Variants in ABTB3 observed in about 807,000 individuals in gnomAD.
The protein encoded by ABTB3 is ankyrin repeat and BTB domain containing 3, also known as ankyrin repeat- and BTB/POZ domain-containing protein 3.
chr12:107,407,727 G>T, the ABTB3 span, among the ~76,000 whole-genome samples: 1 of 152,176 alleles, frequency 6.6e-6, no homozygotes, highest in African/African-American at 2.4e-5. Context: ...GGGCTGAAGA[G>T]TTGGGAACAT....
the ABTB3 span, among the ~76,000 whole-genome samples, chr12:107,622,268 C>T: frequency 8.7e-4 from 133 of 152,146 alleles, no homozygotes; most frequent in Non-Finnish European, 1.2e-3. Context: ...ATAATTTCCC[C>T]GAGCCTGCAG....
At chr12:107,502,604 C>A in the ABTB3 span, among the ~76,000 whole-genome samples, 1 of 152,078 alleles carries the variant, frequency 6.6e-6, no homozygotes, top group Non-Finnish European at 1.5e-5. Flanking sequence ...CAAACCCCAG[C>A]CCACAGACTG....
At chr12:107,376,544 T>C in the ABTB3 span, among the ~76,000 whole-genome samples, 1 of 152,150 alleles carries the variant, frequency 6.6e-6, no homozygotes, top group Non-Finnish European at 1.5e-5. Context: ...TGCAGCCATC[T>C]ATCCACCTTC....
At chr12:107,393,172 C>T in the ABTB3 span, among the ~76,000 whole-genome samples, 5 of 152,132 alleles carry the variant, frequency 3.3e-5, no homozygotes, top group Non-Finnish European at 7.3e-5. Context: ...CAGTCAGGGA[C>T]GAGAACTCTG....
At chr12:107,452,562 A>G in the ABTB3 span, among the ~76,000 whole-genome samples, 2 of 152,038 alleles carry the variant, frequency 1.3e-5, no homozygotes, top group Non-Finnish European at 2.9e-5. Context: ...AAAAATTTAG[A>G]AAATCAGGCC....
chr12:107,325,081 C>T, the ABTB3 span, among the ~76,000 whole-genome samples: 2 of 152,192 alleles, frequency 1.3e-5, no homozygotes, highest in South Asian at 4.1e-4. Flanking sequence ...TAATGGCTTC[C>T]TCAAAAAACA....
chr12:107,649,086 A>G, the ABTB3 span: 2 of 831,672 alleles, frequency 2.4e-6, no homozygotes, highest in Non-Finnish European at 3.9e-6. Context: ...GGAAATGGGC[A>G]ACCATTTGGA....
chr12:107,636,694 C>T, the ABTB3 span, among the ~76,000 whole-genome samples: 2 of 152,266 alleles, frequency 1.3e-5, no homozygotes, highest in Middle Eastern at 3.4e-3. Context: ...TGCCCAAGTC[C>T]CAAGTACTTC....
the ABTB3 span, among the ~76,000 whole-genome samples, chr12:107,637,832 G>A: frequency 1.4e-5 from 2 of 145,172 alleles, no homozygotes; most frequent in Non-Finnish European, 3.0e-5. Flanking sequence ...GTGTGTGTGT[G>A]TGGTATGGTG....
chr12:107,595,364 C>A, the ABTB3 span, among the ~76,000 whole-genome samples: 2,633 of 152,184 alleles, frequency 0.017, 40 homozygotes, highest in South Asian at 0.039. Flanking sequence ...CTGAGGAGCA[C>A]CCCATTTATA....
the ABTB3 span, among the ~76,000 whole-genome samples, chr12:107,623,691 AT>A: frequency 6.6e-6 from 1 of 152,032 alleles, no homozygotes; most frequent in Non-Finnish European, 1.5e-5. Context: ...CTAACACATC[AT>A]TCCCCTGGGC....
chr12:107,581,287 C>G, the ABTB3 span: 3 of 1,439,192 alleles, frequency 2.1e-6, no homozygotes, highest in East Asian at 2.9e-5. Context: ...GCGTGGACTG[C>G]GAGCCGCGCC....
chr12:107,383,695 G>A, the ABTB3 span, among the ~76,000 whole-genome samples: 1 of 152,070 alleles, frequency 6.6e-6, no homozygotes, highest in Non-Finnish European at 1.5e-5. Flanking sequence ...AATGATTGTC[G>A]ACTGTTTGGA....
chr12:107,489,803 G>C, the ABTB3 span, among the ~76,000 whole-genome samples: 540 of 152,074 alleles, frequency 3.6e-3, 5 homozygotes, highest in African/African-American at 0.012. Context: ...TGCTCTGTCA[G>C]TCAGGCTGAA....
the ABTB3 span, among the ~76,000 whole-genome samples, chr12:107,566,685 A>AC: frequency 3.2e-4 from 49 of 151,794 alleles, no homozygotes; most frequent in Middle Eastern, 3.4e-3. Flanking sequence ...ACACACACAC[A>AC]AACATCTTTA....
At chr12:107,595,486 T>C in the ABTB3 span, among the ~76,000 whole-genome samples, 1 of 152,164 alleles carries the variant, frequency 6.6e-6, no homozygotes, top group Non-Finnish European at 1.5e-5. Flanking sequence ...AGAGGAGCAA[T>C]GGCAAGAGAA....
chr12:107,484,803 G>C, the ABTB3 span, among the ~76,000 whole-genome samples: 1 of 152,174 alleles, frequency 6.6e-6, no homozygotes, highest in South Asian at 2.1e-4. Context: ...TTATTCTGGA[G>C]AAAGAGGCAA....
At chr12:107,470,010 T>TTCTCTCTC in the ABTB3 span, among the ~76,000 whole-genome samples, 8 of 57,162 alleles carry the variant, frequency 1.4e-4, no homozygotes, top group African/African-American at 4.0e-4. Flanking sequence ...CTTTCTTTCT[T>TTCTCTCTC]TCTCTCTCTC....
the ABTB3 span, among the ~76,000 whole-genome samples, chr12:107,497,210 T>C: frequency 2.3e-5 from 3 of 131,980 alleles, no homozygotes; most frequent in African/African-American, 5.5e-5. Flanking sequence ...ATCACCACCA[T>C]CACCATCCCC....
Sources: allele counts gnomAD v4.1 joint callset (sites outside exome capture counted in the v4.1 genomes callset), GRCh38; gene constraint gnomAD v4.1.1; transcripts MANE v1.5; gene names NCBI Gene and HGNC (gene_info 2026-07-23, HGNC 2026-07-21).